Variants in TCF25 observed in about 807,000 individuals in gnomAD.
TCF25 encodes ribosome quality control complex subunit TCF25.
TCF25 carries 41 observed loss-of-function variants against 83.1 expected under a neutral mutation model. That is an observed-to-expected ratio of 0.49 (90% CI 0.38 to 0.64). The LOEUF is 0.64. Ranked by LOEUF, TCF25 falls within the 30% of genes least tolerant of loss-of-function variation. The pLI is 0.00. For missense variants in TCF25, 979 were observed against 914.5 expected, an observed-to-expected ratio of 1.07 and a Z score of -0.91; for synonymous variants, 458 against 365.0, an observed-to-expected ratio of 1.25 and a Z score of -2.90.
At chr16:89,907,194 G>A (rs1413282280) in intron 15 of TCF25, 49 bp from the exon 16 acceptor site, 4 of 1,583,010 alleles carry the variant, frequency 2.5e-6, no homozygotes, top group Admixed American at 1.7e-5. Flanking sequence ...AGAGGTAGAG[G>A]CCCCCTGGCA....
chr16:89,887,364 C>T (rs2043095568), intron 4 of TCF25, among the ~76,000 whole-genome samples: 1 of 152,116 alleles, frequency 6.6e-6, no homozygotes, highest in Non-Finnish European at 1.5e-5. Flanking sequence ...AGGGTGCGTG[C>T]ACTGCCCCGA....
chr16:89,888,950 GT>G (rs2043219619), intron 5 of TCF25, among the ~76,000 whole-genome samples: 1 of 149,930 alleles, frequency 6.7e-6, no homozygotes, highest in African/African-American at 2.5e-5. Context: ...GCCTCCCAAA[GT>G]GCTGGGATTA....
intron 14 of TCF25, among the ~76,000 whole-genome samples, chr16:89,905,533 G>A (rs913516332): frequency 2.6e-5 from 4 of 152,212 alleles, no homozygotes; most frequent in African/African-American, 7.2e-5. Flanking sequence ...TTCTTGTCTC[G>A]TTTGTCTGCG....
chr16:89,890,872 C>G (rs1056516774), intron 5 of TCF25, among the ~76,000 whole-genome samples: 6 of 151,832 alleles, frequency 4.0e-5, no homozygotes, highest in Non-Finnish European at 7.4e-5. Context: ...TTATTTATTT[C>G]TTTAAAAATT....
At chr16:89,892,763 G>A (rs2043533614) in intron 6 of TCF25, among the ~76,000 whole-genome samples, 2 of 152,244 alleles carry the variant, frequency 1.3e-5, no homozygotes, top group African/African-American at 4.8e-5. Flanking sequence ...GTTGTGTGGT[G>A]TGGGGAAGTG....
intron 13 of TCF25, 96 bp from the exon 14 acceptor site, chr16:89,904,842 T>C (rs2044642493): frequency 6.8e-7 from 1 of 1,460,162 alleles, no homozygotes; most frequent in East Asian, 2.5e-5. Context: ...GGGCACTCCC[T>C]GGACCCCCCG....
rs530708537 is a variant in TCF25 at position 89,905,340 on chromosome 16, G to C, written c.1628+244G>C. On this transcript the variant is annotated intron_variant, in intron 14 of 17. Coordinates refer to ENST00000263346, the MANE Select transcript of TCF25 (RefSeq NM_014972.3). ...TGCTGTTCCCGGGTGCCTCGGGCTG[G>C]AGTGGTGCCTTCGGGTCTTGCAGTG... 1.2e-3 allele frequency among the ~76,000 whole-genome samples: 186 copies of C among 152,334 alleles called. 1 individual carries two copies. Among genetic ancestry groups the C allele is most frequent in the Non-Finnish European group, 2.1e-3 (143 of 68,030 alleles).
intron 4 of TCF25, among the ~76,000 whole-genome samples, chr16:89,887,090 G>A (rs1394976256): frequency 6.6e-6 from 1 of 151,974 alleles, no homozygotes; most frequent in African/African-American, 2.4e-5. Flanking sequence ...CTGGAGTTCA[G>A]TGGTGTGATC....
At chr16:89,888,496 G>A (rs112655669) in intron 5 of TCF25, among the ~76,000 whole-genome samples, 6,371 of 151,528 alleles carry the variant, frequency 0.042, 479 homozygotes, top group African/African-American at 0.15. Flanking sequence ...GGCTGAGGCA[G>A]GAGAATCGCT....
intron 1 of TCF25, among the ~76,000 whole-genome samples, chr16:89,881,709 C>T (rs777620151): frequency 1.6e-4 from 24 of 151,758 alleles, no homozygotes; most frequent in Non-Finnish European, 2.8e-4. Context: ...CCTCCCAAAG[C>T]GCTGGGATTA....
At chr16:89,900,916 C>G (rs968542466) in intron 12 of TCF25, 122 bp downstream of exon 12, 11 of 1,149,496 alleles carry the variant, frequency 9.6e-6, no homozygotes, top group Non-Finnish European at 1.2e-5. Flanking sequence ...CATGCATTCT[C>G]TGGTAGGGCC....
Position 89,893,835 on chromosome 16 carries a change from T to G in TCF25, c.805T>G (p.Ser269Ala), listed in dbSNP as rs1375387050. 1 of 1,609,362 alleles carries G rather than the reference T, an allele frequency of 6.2e-7. No homozygotes were observed. The change falls in exon 7 of 18, where the codon TCT becomes GCT. Residue 269 changes from serine (S) to alanine (A), a missense_variant. Ser to Ala is a moderately conservative substitution (Grantham distance 99). Transcript: ENST00000263346. ...AQHKFLVAVESMEPNNIVVLL... is the reference protein window; with the variant it reads ...AQHKFLVAVEAMEPNNIVVLL... Reference sequence around the variant, plus strand: ...GCACAAGTTCCTGGTGGCCGTGGAGTCTATGGAGCCGAACAACATCGTGGT... The same window carrying G: ...GCACAAGTTCCTGGTGGCCGTGGAGGCTATGGAGCCGAACAACATCGTGGT...
intron 14 of TCF25, among the ~76,000 whole-genome samples, 196 bp downstream of exon 14, chr16:89,905,292 G>A (rs943117219): frequency 2.0e-5 from 3 of 152,200 alleles, no homozygotes; most frequent in Admixed American, 2.0e-4. Flanking sequence ...GGCAGCTGTG[G>A]TGATCAGCGC....
chr16:89,900,857 T>C (rs1381858019), intron 12 of TCF25, 63 bp downstream of exon 12: 1 of 1,438,456 alleles, frequency 7.0e-7, no homozygotes, highest in East Asian at 2.3e-5. Context: ...GGGGCTGCTC[T>C]TCCTGGTGGT....
Position 89,910,766 on chromosome 16 carries a change from G to C in TCF25, c.1872+103G>C, listed in dbSNP as rs943947298. The stretch of plus-strand genomic sequence containing the variant: ...CCTTGAACCAGGACTGTGCCAGCCG[G>C]CACAGGGAGCAGGGAAGGACCAAGG... On this transcript the variant is annotated intron_variant, in intron 17 of 17. Coordinates refer to ENST00000263346, the MANE Select transcript of TCF25 (RefSeq NM_014972.3). 3 of 1,336,422 alleles carry C rather than the reference G, an allele frequency of 2.2e-6. No individual in the cohort carries two copies. The African/African-American group carries it at 4.3e-5, about 19-fold the overall frequency. 82.8% of individuals were successfully genotyped at this position (1,336,422 alleles called of 1,614,324 possible). A position where few individuals can be genotyped will look rare whatever the true frequency, so the allele number is the denominator to read the frequency against.
At position 89,883,300 on chromosome 16, in the gene TCF25, G is replaced by A. The variant is rs1166331663; in HGVS notation, c.193-51G>A. The A allele has an allele frequency of 1.9e-6, 3 of 1,596,476 alleles. No homozygotes were observed. The South Asian group carries it at 3.4e-5, about 18-fold the overall frequency. On this transcript the variant is annotated intron_variant, in intron 1 of 17. Transcript: ENST00000263346. ...TCTCACTATTCATATCTCAGCATGA[G>A]CGTTCACACTGTAAGTAACGCCCTG...
chr16:89,885,903 G>C lies in TCF25; in HGVS notation c.485G>C (p.Gly162Ala). Residue 162 changes from glycine to alanine, a missense_variant, in exon 4 of 18, where the codon GGG becomes GCG. Physicochemically the swap from Gly to Ala is moderately conservative, Grantham distance 60. Coordinates refer to ENST00000263346, the MANE Select transcript of TCF25 (RefSeq NM_014972.3). The stretch of plus-strand genomic sequence containing the variant: ...CTAGAGAGGATTGAGGACAGCACTG[G>C]GTTGAACCGTCCCGGCCCAGCTCCC... ...RILERIEDST[G>A]LNRPGPAPLS... 2 of 1,613,612 alleles carry C rather than the reference G, an allele frequency of 1.2e-6. No homozygotes were observed. The highest frequency in any genetic ancestry group is 1.7e-6 in the Non-Finnish European group (2 of 1,179,838).
At chr16:89,879,904 A>G (rs1381076834) in intron 1 of TCF25, among the ~76,000 whole-genome samples, 6 of 150,874 alleles carry the variant, frequency 4.0e-5, no homozygotes, top group Non-Finnish European at 8.9e-5. Flanking sequence ...AGCCTGTCAC[A>G]CGTGTTGTCC....
At chr16:89,880,772 A>G (rs1445910967) in intron 1 of TCF25, among the ~76,000 whole-genome samples, 1 of 152,210 alleles carries the variant, frequency 6.6e-6, no homozygotes, top group African/African-American at 2.4e-5. Context: ...AGACATCATC[A>G]TTAGTTGAAT....
Sources: gnomAD v4.1 joint callset for allele counts (sites outside exome capture counted in the v4.1 genomes callset) on GRCh38, gnomAD v4.1.1 for gene constraint, MANE v1.5 for transcripts, NCBI Gene and HGNC (gene_info 2026-07-23, HGNC 2026-07-21) for gene names.